The following TRDN variants were observed in gnomAD, a reference collection of about 807,000 sequenced individuals.
TRDN encodes triadin, also known as triadin in skeletal muscle.
Under a neutral mutation model 149.7 loss-of-function variants are expected in TRDN, and 161 were observed. The ratio of observed to expected loss-of-function variants is 1.08; its 90% CI spans 0.95 to 1.23. The LOEUF (loss-of-function observed/expected upper bound fraction) is 1.23, where lower values mean the gene tolerates loss of function less well. TRDN is among the 50% of genes most tolerant of loss of function. The pLI is 0.00. For missense variants in TRDN, 896 were observed against 823.5 expected, an observed-to-expected ratio of 1.09 and a Z score of -1.08; for synonymous variants, 294 against 250.5, an observed-to-expected ratio of 1.17 and a Z score of -1.64.
intron 4 of TRDN, among the ~76,000 whole-genome samples, chr6:123,532,275 G>T (rs1459840540): frequency 3.3e-5 from 5 of 151,934 alleles, no homozygotes; most frequent in Non-Finnish European, 1.5e-5. Context: ...GGTCATATTG[G>T]GTGTGATAGT....
At chr6:123,565,193 C>G (rs2114514868) in intron 2 of TRDN, among the ~76,000 whole-genome samples, 1 of 152,248 alleles carries the variant, frequency 6.6e-6, no homozygotes, top group Middle Eastern at 3.4e-3. Flanking sequence ...TCAAGGCACC[C>G]CTTCATTTTC....
At position 123,324,761 on chromosome 6, in the gene TRDN, C is replaced by T. The variant is rs779818440; in HGVS notation, c.1471+7118G>A. Among the ~76,000 whole-genome samples the T allele has an allele frequency of 1.1e-4, 16 of 152,278 alleles. 1 individual carries two copies. In the South Asian group the frequency reaches 3.3e-3, roughly 32 times the overall value. On this transcript the variant is annotated intron_variant, in intron 23 of 40. Coordinates refer to ENST00000334268, the MANE Select transcript of TRDN (RefSeq NM_006073.4). ...AAATTCTCAGTGCTTGGATACAATA[C>T]TTTTGTATAGCTAATGCTTGCAGAG...
chr6:123,370,944 T>C (rs1781301046), intron 19 of TRDN, among the ~76,000 whole-genome samples: 1 of 151,042 alleles, frequency 6.6e-6, no homozygotes, highest in Non-Finnish European at 1.5e-5. Flanking sequence ...GAGTTGTTCA[T>C]CTATTTTTTG....
At chr6:123,458,372 C>T (rs1249461518) in intron 10 of TRDN, among the ~76,000 whole-genome samples, 3 of 152,168 alleles carry the variant, frequency 2.0e-5, no homozygotes, top group Non-Finnish European at 2.9e-5. Flanking sequence ...AAATCATAGA[C>T]TTTGAATAAA....
chr6:123,407,594 G>GT (rs1450743816), intron 12 of TRDN, among the ~76,000 whole-genome samples: 1 of 151,780 alleles, frequency 6.6e-6, no homozygotes, highest in Non-Finnish European at 1.5e-5. Context: ...TATGCATCTT[G>GT]TTTTTTTCTT....
chr6:123,350,960 T>G, intron 21 of TRDN: 1 of 985,086 alleles, frequency 1.0e-6, no homozygotes, highest in Non-Finnish European at 1.2e-6. Flanking sequence ...ATAAAATTAA[T>G]GAAACTGACA....
intron 12 of TRDN, among the ~76,000 whole-genome samples, chr6:123,423,206 G>T (rs1482560994): frequency 1.3e-5 from 2 of 152,038 alleles, no homozygotes; most frequent in African/African-American, 2.4e-5. Context: ...ATTAAAAGAA[G>T]CATTTGAATT....
At chr6:123,298,481 T>G (rs1026172806) in intron 24 of TRDN, among the ~76,000 whole-genome samples, 2 of 152,076 alleles carry the variant, frequency 1.3e-5, no homozygotes, top group African/African-American at 4.8e-5. Context: ...CAACATCTTA[T>G]GTAAGTCGCC....
At position 123,515,194 on chromosome 6, in the gene TRDN, A is replaced by G. The variant is rs535853954; in HGVS notation, c.550+947T>C. On this transcript the variant is annotated intron_variant, in intron 6 of 40. Coordinates refer to ENST00000334268, the MANE Select transcript of TRDN (RefSeq NM_006073.4). ...GGAAATCTATGAAATGCCTTTCAAAATAATAATCTTAAGGAAACTCAGAGA... is the reference window on the plus strand; with the variant it reads ...GGAAATCTATGAAATGCCTTTCAAAGTAATAATCTTAAGGAAACTCAGAGA... Among the ~76,000 whole-genome samples, 33 of 152,194 alleles carry G rather than the reference A, an allele frequency of 2.2e-4. 2 individuals carry two copies. The South Asian group carries it at 6.8e-3, about 32-fold the overall frequency.
At chr6:123,580,647 A>G (rs1196071710) in intron 1 of TRDN, among the ~76,000 whole-genome samples, 1 of 152,182 alleles carries the variant, frequency 6.6e-6, no homozygotes, top group Non-Finnish European at 1.5e-5. Flanking sequence ...CCTTTATAAA[A>G]TATATATTAA....
rs1258890320 is a variant in TRDN, at chr6:123,464,961, A to T, written c.876T>A (p.Pro292=). 5 of 1,599,354 alleles carry T rather than the reference A, an allele frequency of 3.1e-6. No homozygotes were observed. Among genetic ancestry groups the T allele is most frequent in the Non-Finnish European group, 4.3e-6 (5 of 1,172,604 alleles). ...LKPGQSPAIP[P]PLPTEQASRP... ...TGGAAGCTTGTTCTGTCGGTAAGGG[A>T]GGTGGAATGGCTGGGCTTTGTCCTA... is the stretch of plus-strand genomic sequence containing the variant. Residue 292 remains proline, a synonymous_variant, in exon 10 of 41, where the codon CCT becomes CCA. Transcript: ENST00000334268.
intron 12 of TRDN, among the ~76,000 whole-genome samples, chr6:123,410,645 C>A (rs956645370): frequency 4.6e-5 from 7 of 151,984 alleles, no homozygotes; most frequent in Admixed American, 4.6e-4. Flanking sequence ...ATTAAATGTA[C>A]AGTGATTTAT....
In TRDN at chr6:123,476,142, T is replaced by A. The variant is rs546756846; in HGVS notation, c.854-11159A>T. Among the ~76,000 whole-genome samples, 669 of 118,432 alleles carry A rather than the reference T, an allele frequency of 5.6e-3. 25 individuals carry two copies. The highest frequency in any genetic ancestry group is 0.054 in the Admixed American group (622 of 11,602). The allele number at this position is 118,432 out of a possible 152,430, so 77.7% of individuals were successfully genotyped here. On this transcript the variant is annotated intron_variant, in intron 9 of 40. Transcript: ENST00000334268. ...TTGTCCCTGTTTGCAGATGACATGA[T>A]TGTATATCTAGAAAACCCCATTGTC...
At chr6:123,295,364 C>T (rs1012776716) in intron 24 of TRDN, among the ~76,000 whole-genome samples, 2 of 152,204 alleles carry the variant, frequency 1.3e-5, no homozygotes, top group Non-Finnish European at 2.9e-5. Context: ...CAGAGCTTAA[C>T]ATCCCCAGAG....
chr6:123,450,780 A>G (rs540073357), intron 10 of TRDN, among the ~76,000 whole-genome samples: 1 of 152,260 alleles, frequency 6.6e-6, no homozygotes, highest in African/African-American at 2.4e-5. Flanking sequence ...CATTTCATCC[A>G]ACAACCACAG....
rs373744542 is a variant in TRDN at position 123,622,615 on chromosome 6, T to C, written c.22+14139A>G. Among the ~76,000 whole-genome samples, 32 of 152,236 alleles carry C rather than the reference T, an allele frequency of 2.1e-4. No homozygotes were observed. In the East Asian group the frequency reaches 5.4e-3, roughly 26 times the overall value. On this transcript the variant is annotated intron_variant, in intron 1 of 40. Coordinates refer to ENST00000334268, the MANE Select transcript of TRDN (RefSeq NM_006073.4). The stretch of plus-strand genomic sequence containing the variant: ...AAATTATGATGACTCATAGTATGTT[T>C]TTAAACACTGAACTGAGGAGACGGC...
At chr6:123,265,629 C>A (rs1267238672) in intron 32 of TRDN, among the ~76,000 whole-genome samples, 1 of 150,470 alleles carries the variant, frequency 6.6e-6, no homozygotes, top group African/African-American at 2.4e-5. Flanking sequence ...TCACAAAAAT[C>A]TGAACTTCTT....
intron 39 of TRDN, among the ~76,000 whole-genome samples, chr6:123,222,796 C>T (rs562817252): frequency 1.3e-4 from 20 of 151,582 alleles, no homozygotes; most frequent in African/African-American, 4.8e-4. Flanking sequence ...AACAAATTTA[C>T]AAGAAAAAAG....
At chr6:123,524,667 A>G (rs1012433911) in intron 5 of TRDN, among the ~76,000 whole-genome samples, 4 of 152,154 alleles carry the variant, frequency 2.6e-5, no homozygotes, top group African/African-American at 7.2e-5. Flanking sequence ...AAAAAACAAA[A>G]GAACTCATCT....
Sources: allele counts gnomAD v4.1 joint callset (sites outside exome capture counted in the v4.1 genomes callset), GRCh38; gene constraint gnomAD v4.1.1; transcripts MANE v1.5; gene names NCBI Gene and HGNC (gene_info 2026-07-23, HGNC 2026-07-21).